The following CLINT1 variants were observed in gnomAD, a reference collection of about 807,000 sequenced individuals.
The protein encoded by CLINT1 is clathrin interactor 1.
CLINT1 carries 15 observed loss-of-function variants against 70.4 expected under a neutral mutation model. The observed-to-expected ratio is 0.21, with a 90% CI of 0.14 to 0.33. CLINT1 has a LOEUF of 0.33. CLINT1 is among the 10% of genes least tolerant of loss of function. The pLI is 1.00. For synonymous variants in CLINT1, 227 were observed against 254.7 expected (o/e 0.89, Z 1.04); for missense variants, 615 against 778.1 (o/e 0.79, Z 2.49).
rs553043259 is a variant in CLINT1, at chr5:157,848,376, C to T, written c.41+10554G>A. ...CCTCACAAAGCTCTGGGATTACAGG[C>T]GTGAGCCACTGCACCCGACCTAAGA... On this transcript the variant is annotated intron_variant, in intron 1 of 11. Coordinates refer to ENST00000411809, the MANE Select transcript of CLINT1 (RefSeq NM_014666.4). Among the ~76,000 whole-genome samples, 7 of 145,848 alleles carry T rather than the reference C, an allele frequency of 4.8e-5. No individual in the cohort carries two copies. In the South Asian group the frequency reaches 1.3e-3, roughly 28 times the overall value.
At chr5:157,808,282 C>A (rs1408945130) in intron 6 of CLINT1, among the ~76,000 whole-genome samples, 3 of 151,986 alleles carry the variant, frequency 2.0e-5, no homozygotes, top group Admixed American at 6.6e-5. Context: ...ATGAAAACAT[C>A]CTAAAAATAC....
intron 1 of CLINT1, among the ~76,000 whole-genome samples, chr5:157,846,936 A>T (rs1753402976): frequency 6.6e-6 from 1 of 152,250 alleles, no homozygotes; most frequent in Admixed American, 6.5e-5. Flanking sequence ...ACTGCTCAGA[A>T]GAAAAGATTC....
intron 1 of CLINT1, among the ~76,000 whole-genome samples, chr5:157,845,716 T>C (rs932572449): frequency 2.0e-5 from 3 of 151,894 alleles, no homozygotes; most frequent in Non-Finnish European, 4.4e-5. Flanking sequence ...CACGCCCGGC[T>C]AATTTTTTTT....
intron 10 of CLINT1, chr5:157,789,867 G>A (rs999799093): frequency 6.1e-6 from 2 of 329,452 alleles, no homozygotes; most frequent in Admixed American, 9.0e-5. Flanking sequence ...GGTTAGTACA[G>A]CTTTAAGGAG....
chr5:157,858,880 T>TTCC, intron 1 of CLINT1, 50 bp downstream of exon 1: 5 of 216,816 alleles, frequency 2.3e-5, no homozygotes, highest in South Asian at 1.3e-4. Flanking sequence ...CTTCTCCCCC[T>TTCC]CCCCCCTCCC....
At chr5:157,850,987 G>C (rs1037273721) in intron 1 of CLINT1, among the ~76,000 whole-genome samples, 1 of 151,892 alleles carries the variant, frequency 6.6e-6, no homozygotes, top group Non-Finnish European at 1.5e-5. Context: ...GTAGAGACAA[G>C]GTCTGTGTTG....
intron 1 of CLINT1, among the ~76,000 whole-genome samples, chr5:157,830,757 C>CCCTCTCTCTCTCTCTCTCT (rs1763202161): frequency 1.1e-5 from 1 of 87,406 alleles, no homozygotes; most frequent in African/African-American, 4.7e-5. Context: ...CCTCTCTCTC[C>CCCTCTCTCTCTCTCTCTCT]CTCTCTCTCT....
intron 1 of CLINT1, among the ~76,000 whole-genome samples, chr5:157,826,404 T>C (rs1763040750): frequency 6.6e-6 from 1 of 152,196 alleles, no homozygotes; most frequent in African/African-American, 2.4e-5. Context: ...ATTGCCAAAG[T>C]TGATGTGTTC....
chr5:157,822,027 T>C (rs1249786603), intron 1 of CLINT1, among the ~76,000 whole-genome samples: 1 of 152,212 alleles, frequency 6.6e-6, no homozygotes, highest in Non-Finnish European at 1.5e-5. Context: ...GTTACCATCC[T>C]CAAGTTTTGC....
chr5:157,847,929 C>T (rs1466905453), intron 1 of CLINT1, among the ~76,000 whole-genome samples: 1 of 152,174 alleles, frequency 6.6e-6, no homozygotes, highest in African/African-American at 2.4e-5. Context: ...CCTCCTACCT[C>T]AGCCTCTTGA....
chr5:157,821,221 A>G (rs1010742425), intron 1 of CLINT1, among the ~76,000 whole-genome samples: 1 of 152,152 alleles, frequency 6.6e-6, no homozygotes, highest in Non-Finnish European at 1.5e-5. Flanking sequence ...CACCAAAAAA[A>G]TTTTCTGTAT....
intron 9 of CLINT1, among the ~76,000 whole-genome samples, chr5:157,794,073 T>TA (rs1212458058): frequency 6.6e-6 from 1 of 151,560 alleles, no homozygotes; most frequent in Non-Finnish European, 1.5e-5. Context: ...TAAAAAAAAA[T>TA]AAAAAAGACA....
chr5:157,852,671 C>A (rs542917201), intron 1 of CLINT1, among the ~76,000 whole-genome samples: 1 of 152,186 alleles, frequency 6.6e-6, no homozygotes, highest in African/African-American at 2.4e-5. Flanking sequence ...AGATACCATT[C>A]TAACACATAA....
chr5:157,851,085 C>A (rs930409426), intron 1 of CLINT1, among the ~76,000 whole-genome samples: 1 of 152,170 alleles, frequency 6.6e-6, no homozygotes, highest in African/African-American at 2.4e-5. Flanking sequence ...AGCCACGGCA[C>A]CTGGCCTTGC....
At chr5:157,806,179 T>C in intron 6 of CLINT1, 67 bp from the exon 7 acceptor site, 1 of 1,513,854 alleles carries the variant, frequency 6.6e-7, no homozygotes, top group East Asian at 2.3e-5. Flanking sequence ...CCCTCAGTGA[T>C]TTGAGCTAAA....
At chr5:157,807,891 C>T (rs114970980) in intron 6 of CLINT1, among the ~76,000 whole-genome samples, 1,564 of 152,102 alleles carry the variant, frequency 0.01, 36 homozygotes, top group African/African-American at 0.037. Flanking sequence ...AACCTAAGAC[C>T]CAACCAGACT....
intron 1 of CLINT1, among the ~76,000 whole-genome samples, chr5:157,849,170 C>T (rs1246905462): frequency 6.6e-6 from 1 of 152,184 alleles, no homozygotes; most frequent in Non-Finnish European, 1.5e-5. Context: ...ACAGAGAAAT[C>T]ATCTGTGAAA....
At chr5:157,816,932 TTAA>T in intron 2 of CLINT1, 102 bp from the exon 3 acceptor site, 1 of 760,802 alleles carries the variant, frequency 1.3e-6, no homozygotes, top group South Asian at 2.0e-5. Context: ...TTTTTAAAAA[TTAA>T]TAAACTTAAT....
intron 1 of CLINT1, among the ~76,000 whole-genome samples, chr5:157,838,504 C>T (rs957335464): frequency 4.6e-5 from 7 of 152,196 alleles, no homozygotes; most frequent in Admixed American, 4.6e-4. Flanking sequence ...TTAATACGTA[C>T]ATCTTAATTT....
Sources: gnomAD v4.1 joint callset for allele counts (sites outside exome capture counted in the v4.1 genomes callset) on GRCh38, gnomAD v4.1.1 for gene constraint, MANE v1.5 for transcripts, NCBI Gene and HGNC (gene_info 2026-07-23, HGNC 2026-07-21) for gene names.